RP1: variants seen among roughly 807,000 people sequenced by gnomAD.
RP1 encodes the protein RP1 axonemal microtubule associated, also known as oxygen-regulated protein 1.
RP1 carries 16 observed loss-of-function variants against 14.8 expected under a neutral mutation model. That is an observed-to-expected ratio of 1.08 (90% CI 0.73 to 1.65). The LOEUF (loss-of-function observed/expected upper bound fraction) is 1.65. Ranked by LOEUF, RP1 falls within the 40% of genes most tolerant of loss-of-function variation. The pLI is 0.00. For missense variants in RP1, 2,631 were observed against 2,535.0 expected, an observed-to-expected ratio of 1.04 and a Z score of -0.81; for synonymous variants, 876 against 883.6, an observed-to-expected ratio of 0.99 and a Z score of 0.15.
chr8:54,870,192 C>T, exon 29 of RP1: 1 of 334,226 alleles, frequency 3.0e-6, no homozygotes, highest in Middle Eastern at 7.6e-4. Context: ...CCTCCCCCTC[C>T]TCTTCCTTCA....
At chr8:54,798,910 T>A (rs1049311285) in intron 24 of RP1, among the ~76,000 whole-genome samples, 1 of 152,108 alleles carries the variant, frequency 6.6e-6, no homozygotes, top group African/African-American at 2.4e-5. Context: ...AATGTTAACA[T>A]ATACAATATT....
rs61358992 is a variant in RP1, at chr8:54,865,904, T to G, written c.4139T>G (p.Phe1380Cys). ...GAAGACAGCAGTGAAGAGGTGCTGT[T>G]TCTATGCAACAGGTATGCTCTTAAT... Residue 1380 changes from phenylalanine (F) to cysteine (C), a missense_variant, in exon 28 of 29, where the codon TTT becomes TGT. By Grantham distance (205) the Phe-to-Cys change is radical (BLOSUM62 -2). Transcript: ENST00000637698. 1.7e-3 allele frequency: 2,052 copies of G among 1,223,876 alleles called. 22 individuals carry two copies. In the African/African-American group the frequency reaches 0.029, roughly 17 times the overall value. 75.8% of individuals were successfully genotyped at this position (1,223,876 alleles called of 1,614,324 possible). A position where few individuals can be genotyped will look rare whatever the true frequency, so the allele number is the denominator to read the frequency against.
At chr8:54,734,186 G>A (rs1424594307) in intron 17 of RP1, among the ~76,000 whole-genome samples, 3 of 152,064 alleles carry the variant, frequency 2.0e-5, no homozygotes, top group Non-Finnish European at 4.4e-5. Flanking sequence ...TATGGTGGTA[G>A]TTCTATATAA....
intron 24 of RP1, among the ~76,000 whole-genome samples, chr8:54,794,426 C>CGTTT (rs1810535530): frequency 6.6e-6 from 1 of 150,768 alleles, no homozygotes; most frequent in African/African-American, 2.4e-5. Flanking sequence ...CATATACGAC[C>CGTTT]GTTTGTCAAT....
At chr8:54,640,894 A>G (rs1172272126) in intron 3 of RP1, among the ~76,000 whole-genome samples, 2 of 151,204 alleles carry the variant, frequency 1.3e-5, no homozygotes, top group Non-Finnish European at 2.9e-5. Flanking sequence ...CCTTGCTTGG[A>G]GTTTGATTTC....
chr8:54,740,130 A>G (rs1233998712), intron 19 of RP1, among the ~76,000 whole-genome samples: 3 of 149,532 alleles, frequency 2.0e-5, no homozygotes, highest in East Asian at 3.9e-4. Flanking sequence ...TACTCATTCT[A>G]CTTATTAACT....
chr8:54,575,359 G>A (rs1804618453), intron 1 of RP1, among the ~76,000 whole-genome samples: 1 of 151,794 alleles, frequency 6.6e-6, no homozygotes. Flanking sequence ...AACAAACAAT[G>A]TCTATTTCTT....
intron 19 of RP1, among the ~76,000 whole-genome samples, chr8:54,745,968 G>T (rs781513683): frequency 6.6e-6 from 1 of 152,076 alleles, no homozygotes; most frequent in African/African-American, 2.4e-5. Flanking sequence ...AAAGCCAAAA[G>T]AAAATACTAT....
chr8:54,679,722 A>G (rs1282497383), intron 11 of RP1: 31 of 1,518,492 alleles, frequency 2.0e-5, no homozygotes, highest in Non-Finnish European at 2.7e-5. Flanking sequence ...GAGTTTAGTA[A>G]GTGCTGTTTC....
chr8:54,794,656 C>G (rs919577376), intron 24 of RP1, among the ~76,000 whole-genome samples: 3 of 151,908 alleles, frequency 2.0e-5, no homozygotes, highest in African/African-American at 7.2e-5. Flanking sequence ...CCACTTTTCC[C>G]TATGTTTTGG....
chr8:54,847,020 C>T (rs2129406535), intron 25 of RP1, among the ~76,000 whole-genome samples: 1 of 152,306 alleles, frequency 6.6e-6, no homozygotes, highest in Middle Eastern at 3.4e-3. Context: ...TGTTGCCTTT[C>T]CTCTCCTCCT....
chr8:54,626,878 C>T lies in RP1; in HGVS notation c.2996C>T (p.Thr999Ile). 6.2e-7 allele frequency: 1 copy of T among 1,613,794 alleles called. No individual in the cohort carries two copies. Among genetic ancestry groups the T allele is most frequent in the Non-Finnish European group, 8.5e-7 (1 of 1,179,940 alleles). ...GATAAGTCTTTTATTGCCAATGACA[C>T]TGGTGAAGAAGATCTCCATGAGACA... ...EGDKSFIAND[T>I]GEEDLHETQV... The change falls in exon 4 of 4, where the codon ACT (threonine) becomes ATT (isoleucine). Residue 999 changes from threonine to isoleucine, a missense_variant. Coordinates refer to ENST00000220676, the MANE Select transcript of RP1 (RefSeq NM_006269.2).
chr8:54,627,199 T>G lies in RP1; in HGVS notation c.3317T>G (p.Val1106Gly), dbSNP rs1043235694. ...ATTCACAAGACTCAGAATGGAGTTGTTCAAATGCCAGGTTCACTTGCAGGT... is the reference window on the plus strand; with the variant it reads ...ATTCACAAGACTCAGAATGGAGTTGGTCAAATGCCAGGTTCACTTGCAGGT... ...PGIHKTQNGV[V>G]QMPGSLAGVP... The change falls in exon 4 of 4, where the codon GTT becomes GGT. Residue 1106 changes from valine to glycine, a missense_variant. Transcript: ENST00000220676. 6.2e-6 allele frequency: 10 copies of G among 1,613,958 alleles called. No individual in the cohort carries two copies. Among genetic ancestry groups the G allele is most frequent in the South Asian group, 2.2e-5 (2 of 91,086 alleles).
At chr8:54,682,009 G>A (rs1418695742) in intron 12 of RP1, among the ~76,000 whole-genome samples, 1 of 151,996 alleles carries the variant, frequency 6.6e-6, no homozygotes. Context: ...AACGTACGCA[G>A]GCATGTATCT....
chr8:54,835,771 T>G (rs1404405494), intron 24 of RP1, among the ~76,000 whole-genome samples: 2 of 152,138 alleles, frequency 1.3e-5, no homozygotes, highest in South Asian at 2.1e-4. Context: ...CTGTCTGATA[T>G]CAAAACCTGA....
rs574753013 is a variant in RP1, at chr8:54,789,076, G to T, written c.3615+5366G>T. On this transcript the variant is annotated intron_variant, in intron 24 of 28. Transcript: ENST00000637698. ...ACTCACTTCTGCTTTCCCCTACAGG[G>T]TATACTGAGGGACTTGGCAGGGCTA... 3.3e-5 allele frequency among the ~76,000 whole-genome samples: 5 copies of T among 152,300 alleles called. No homozygotes were observed. In the East Asian group the frequency reaches 9.7e-4, roughly 29 times the overall value.
Position 54,699,288 on chromosome 8 carries a change from C to G in RP1, c.1718-179C>G, listed in dbSNP as rs1290740026. Among the ~76,000 whole-genome samples the G allele has an allele frequency of 2.6e-5, 4 of 151,902 alleles. No individual in the cohort carries two copies. In the East Asian group the frequency reaches 7.7e-4, roughly 29 times the overall value. ...CACATACATATAGATGAGAAAAGTG[C>G]ATACATTATACTATGAATTTTCACA... is the stretch of plus-strand genomic sequence containing the variant. On this transcript the variant is annotated intron_variant, in intron 12 of 22. Coordinates refer to the RP1 transcript ENST00000636932.
intron 24 of RP1, among the ~76,000 whole-genome samples, chr8:54,790,545 A>T (rs1810438216): frequency 6.8e-6 from 1 of 147,312 alleles, no homozygotes; most frequent in Non-Finnish European, 1.5e-5. Flanking sequence ...TAATCCCTTT[A>T]AACAAGTTCA....
chr8:54,790,536 A>G (rs1436788566), intron 24 of RP1, among the ~76,000 whole-genome samples: 2 of 150,288 alleles, frequency 1.3e-5, no homozygotes, highest in Non-Finnish European at 2.9e-5. Flanking sequence ...AATTGAGAAT[A>G]ATCCCTTTAA....
Sources: allele counts gnomAD v4.1 joint callset (sites outside exome capture counted in the v4.1 genomes callset), GRCh38; gene constraint gnomAD v4.1.1; transcripts MANE v1.5; gene names NCBI Gene and HGNC (gene_info 2026-07-23, HGNC 2026-07-21).